Variants in TUT7 observed in about 807,000 individuals in gnomAD.
TUT7 encodes the protein terminal uridylyl transferase 7.
A neutral mutation model predicts 165.9 loss-of-function variants in TUT7; 33 were observed. That is an observed-to-expected ratio of 0.20 (90% CI 0.15 to 0.27). The LOEUF is 0.27. Ranked by LOEUF, TUT7 falls within the 10% of genes least tolerant of loss-of-function variation. The pLI, the probability that TUT7 is intolerant of heterozygous loss-of-function variation, is 1.00. For synonymous variants in TUT7, 552 were observed against 608.1 expected, an observed-to-expected ratio of 0.91 and a Z score of 1.36; for missense variants, 1,338 against 1,762.3, an observed-to-expected ratio of 0.76 and a Z score of 4.31.
chr9:86,308,868 G>T (rs1352760734), intron 21 of TUT7, among the ~76,000 whole-genome samples: 2 of 152,174 alleles, frequency 1.3e-5, no homozygotes, highest in Non-Finnish European at 2.9e-5. Context: ...GATTCTAAGA[G>T]CCTTGGTAAT....
chr9:86,301,927 G>C, intron 25 of TUT7: 1 of 896,132 alleles, frequency 1.1e-6, no homozygotes, highest in East Asian at 1.2e-4. Flanking sequence ...GTGATTTCTT[G>C]AACGGCCTTT....
At chr9:86,352,417 G>A (rs1369469279) in intron 2 of TUT7, 11 of 542,164 alleles carry the variant, frequency 2.0e-5, no homozygotes, top group Admixed American at 1.4e-4. Flanking sequence ...TAAAAAACAC[G>A]TTACAGAAAA....
intron 12 of TUT7, 44 bp downstream of exon 12, chr9:86,325,290 T>A: frequency 6.3e-7 from 1 of 1,575,240 alleles, no homozygotes; most frequent in Non-Finnish European, 8.7e-7. Flanking sequence ...CTGGTACCTT[T>A]AAAAAAAAGA....
chr9:86,324,665 T>C (rs1031837318), intron 12 of TUT7: 6 of 152,266 alleles, frequency 3.9e-5, no homozygotes, highest in Middle Eastern at 3.4e-3. Flanking sequence ...GGAGGTTCTT[T>C]AAATTATTTA....
chr9:86,343,159 A>G lies in TUT7; in HGVS notation c.1002T>C (p.Cys334=). 1.3e-6 allele frequency: 2 copies of G among 1,537,522 alleles called. No homozygotes were observed. The highest frequency in any genetic ancestry group is 1.8e-6 in the Non-Finnish European group (2 of 1,139,892). ...ENVFQHKLPD[C]SLRLYGSSCS... is the part of the protein sequence containing the mutation. ...AGGATGACCCATATAATCTTAGGGA[A>G]CAATCTAAAAAATAAATAAATAAAT... Residue 334 remains cysteine (C), a synonymous_variant, in exon 6 of 27, where the codon TGT becomes TGC. Coordinates refer to ENST00000375963, the MANE Select transcript of TUT7 (RefSeq NM_024617.4).
chr9:86,343,182 A>T lies in TUT7; in HGVS notation c.998-19T>A. The T allele has an allele frequency of 7.2e-7, 1 of 1,390,770 alleles. No homozygotes were observed. Among genetic ancestry groups the T allele is most frequent in the Non-Finnish European group, 9.8e-7 (1 of 1,021,910 alleles). The allele number at this position is 1,390,770 out of a possible 1,614,324, so 86.2% of individuals were successfully genotyped here. ...GAACAATCTAAAAAATAAATAAATA[A>T]ATAAAAGTAATAAATACAGTAGAAT... On this transcript the variant is annotated intron_variant, in intron 5 of 26. Coordinates refer to ENST00000375963, the MANE Select transcript of TUT7 (RefSeq NM_024617.4).
intron 26 of TUT7, among the ~76,000 whole-genome samples, chr9:86,294,274 CAAAAA>C (rs11338696): frequency 1.3e-4 from 13 of 96,814 alleles, no homozygotes; most frequent in South Asian, 3.5e-4. Context: ...TGCCATGAGG[CAAAAA>C]AAAAAAAAAA....
rs752735259 is a variant in TUT7 at position 86,323,129 on chromosome 9, G to T, written c.2621C>A (p.Ala874Asp). ...INQREDEDGM[A>D]NEDELDNTYT... ...GGTGTTGTCTAACTCATCTTCATTA[G>T]CCATGCCATCTTCATCTTCCCTTTG... Residue 874 changes from alanine (A) to aspartate (D), a missense_variant, in exon 13 of 27, where the codon GCT becomes GAT. By Grantham distance (126) the Ala-to-Asp change is moderately radical. Coordinates refer to ENST00000375963, the MANE Select transcript of TUT7 (RefSeq NM_024617.4). 1.2e-6 allele frequency: 2 copies of T among 1,614,110 alleles called. No homozygotes were observed. The highest frequency in any genetic ancestry group is 2.2e-5 in the South Asian group (2 of 91,080).
intron 17 of TUT7, among the ~76,000 whole-genome samples, chr9:86,315,906 G>GTA (rs1828680191): frequency 6.6e-6 from 1 of 151,918 alleles, no homozygotes; most frequent in Admixed American, 6.6e-5. Flanking sequence ...AAACAACATG[G>GTA]TATGTACTTT....
intron 3 of TUT7, 27 bp downstream of exon 3, chr9:86,346,272 C>G: frequency 6.3e-7 from 1 of 1,592,198 alleles, no homozygotes; most frequent in South Asian, 1.1e-5. Flanking sequence ...GGATTCTAAC[C>G]AACAAATATA....
At chr9:86,294,679 ATCTT>A (rs1476158188) in intron 26 of TUT7, among the ~76,000 whole-genome samples, 1 of 151,634 alleles carries the variant, frequency 6.6e-6, no homozygotes, top group Non-Finnish European at 1.5e-5. Flanking sequence ...AAAAAATCTC[ATCTT>A]TCTTATTAAA....
chr9:86,312,717 T>C (rs927958329), intron 17 of TUT7, among the ~76,000 whole-genome samples: 49 of 152,186 alleles, frequency 3.2e-4, no homozygotes, highest in Non-Finnish European at 5.6e-4. Flanking sequence ...GGTTGCCGTG[T>C]CTGTGTAGAA....
intron 17 of TUT7, among the ~76,000 whole-genome samples, chr9:86,314,365 C>G (rs1339155579): frequency 6.7e-6 from 1 of 149,816 alleles, no homozygotes; most frequent in Non-Finnish European, 1.5e-5. Context: ...CTCAATCTCT[C>G]TCTTTTTCTT....
Position 86,323,597 on chromosome 9 carries a change from C to T in TUT7, c.2153G>A (p.Ser718Asn). 6.2e-7 allele frequency: 1 copy of T among 1,614,192 alleles called. No individual in the cohort carries two copies. Among genetic ancestry groups the T allele is most frequent in the Non-Finnish European group, 8.5e-7 (1 of 1,180,036 alleles). ...PKEEMGNEHISVHPENSDCIQ... is the reference protein window; with the variant it reads ...PKEEMGNEHINVHPENSDCIQ... Reference sequence around the variant, plus strand: ...ACAGTCTGAGTTTTCAGGGTGGACACTGATGTGTTCATTTCCCATTTCTTC... The same window carrying T: ...ACAGTCTGAGTTTTCAGGGTGGACATTGATGTGTTCATTTCCCATTTCTTC... Residue 718 changes from serine to asparagine, a missense_variant, in exon 13 of 27, where the codon AGT becomes AAT. Transcript: ENST00000375963.
chr9:86,330,889 T>C (rs915952930), intron 10 of TUT7, among the ~76,000 whole-genome samples: 1 of 151,816 alleles, frequency 6.6e-6, no homozygotes, highest in East Asian at 1.9e-4. Flanking sequence ...TCTTTTTTTT[T>C]TTTGAGATGG....
At chr9:86,291,203 C>T (rs867246940) in intron 26 of TUT7, among the ~76,000 whole-genome samples, 1 of 151,882 alleles carries the variant, frequency 6.6e-6, no homozygotes, top group African/African-American at 2.4e-5. Context: ...AATGAAGAAC[C>T]TTTAAAAATT....
chr9:86,334,660 G>A (rs1830613443), intron 10 of TUT7, among the ~76,000 whole-genome samples: 1 of 152,072 alleles, frequency 6.6e-6, no homozygotes. Flanking sequence ...ACGACTTCTG[G>A]GCTCCTTTCA....
rs780714402 is a variant in TUT7, at chr9:86,328,468, G to A, written c.1480C>T (p.Leu494=). ...ATGTCTTGAAGGTTGAAATTCCCTA[G>A]TTTGCTTAATGAGAATCCTTCAATC... The part of the protein sequence containing the change: ...SWIEGFSLSK[L]GNFNLQDIEK... The change falls in exon 11 of 27, where the codon CTA becomes TTA. Residue 494 remains leucine, a synonymous_variant. Coordinates refer to ENST00000375963, the MANE Select transcript of TUT7 (RefSeq NM_024617.4). The A allele has an allele frequency of 1.2e-5, 19 of 1,608,302 alleles. No individual in the cohort carries two copies. In the South Asian group the frequency reaches 1.9e-4, roughly 16 times the overall value.
intron 11 of TUT7, among the ~76,000 whole-genome samples, chr9:86,326,748 G>A (rs1397195617): frequency 6.6e-6 from 1 of 152,182 alleles, no homozygotes; most frequent in Non-Finnish European, 1.5e-5. Context: ...GCCTGGCAGT[G>A]GCCGGATGAG....
Sources: gnomAD v4.1 joint callset for allele counts (sites outside exome capture counted in the v4.1 genomes callset) on GRCh38, gnomAD v4.1.1 for gene constraint, MANE v1.5 for transcripts, NCBI Gene and HGNC (gene_info 2026-07-23, HGNC 2026-07-21) for gene names.